Variants in NPM2 observed in about 807,000 individuals in gnomAD.
The protein encoded by NPM2 is nucleoplasmin-2.
A neutral mutation model predicts 32.0 loss-of-function variants in NPM2; 25 were observed. The ratio of observed to expected loss-of-function variants is 0.78; its 90% CI spans 0.57 to 1.09. The LOEUF (loss-of-function observed/expected upper bound fraction) is 1.09. Among genes scored for constraint, NPM2 ranks in the 50% least tolerant of loss-of-function variants. NPM2 has a pLI of 0.00. For missense variants in NPM2, 282 were observed against 259.9 expected (o/e 1.08, Z -0.58); for synonymous variants, 111 against 94.2 (o/e 1.18, Z -1.04).
Position 22,025,775 on chromosome 8 carries a change from G to A in NPM2, c.270+3G>A, listed in dbSNP as rs762872840. 3 of 1,613,976 alleles carry A rather than the reference G, an allele frequency of 1.9e-6. No individual in the cohort carries two copies. In the East Asian group the frequency reaches 6.7e-5, roughly 36 times the overall value. On this transcript the variant is annotated splice_donor_region_variant and intron_variant, in intron 5 of 9. Transcript: ENST00000518119. ...TCCAGGCCTCAGTCCTCCCCATGGT[G>A]CGCATTTCCCTGCTGGCTGGAAGAC...
chr8:22,025,324 C>T lies in NPM2; in HGVS notation c.58+18C>T, dbSNP rs758003822. The T allele has an allele frequency of 6.2e-7, 1 of 1,603,664 alleles. No individual in the cohort carries two copies. The highest frequency in any genetic ancestry group is 2.2e-5 in the East Asian group (1 of 44,540). ...GCTCTGGGGTGAGTGGGGACTCAGG[C>T]TCCTTCCCAGAGACACGCCCCACCT... On this transcript the variant is annotated intron_variant, in intron 3 of 9. Coordinates refer to ENST00000518119, the MANE Select transcript of NPM2 (RefSeq NM_001286680.2).
rs377061270 is a variant in NPM2 at position 22,024,575 on chromosome 8, G to A, written c.-189G>A. 2.5e-3 allele frequency: 377 copies of A among 152,584 alleles called. 1 individual carries two copies. The highest frequency in any genetic ancestry group is 0.017 in the South Asian group (82 of 4,828). The allele number at this position is 152,584 out of a possible 1,614,324, so 9.5% of individuals were successfully genotyped here. A position where few individuals can be genotyped will look rare whatever the true frequency, so the allele number is the denominator to read the frequency against. On this transcript the variant is annotated 5_prime_UTR_variant, in exon 1 of 10. Transcript: ENST00000518119. ...CGGCCCCACCCAGACCGACGCCAAG[G>A]GCAGCTGTGGAGTGGGGCGCGGCAA...
chr8:22,032,535 T>C (rs561354499), intron 5 of NPM2, among the ~76,000 whole-genome samples: 112 of 152,274 alleles, frequency 7.4e-4, no homozygotes, highest in African/African-American at 2.6e-3. Context: ...CAAGTTGCTA[T>C]AACAAAATAC....
chr8:22,032,428 G>A (rs1039312655), intron 5 of NPM2, among the ~76,000 whole-genome samples: 3 of 152,112 alleles, frequency 2.0e-5, no homozygotes, highest in South Asian at 4.1e-4. Flanking sequence ...ACCTGGTTAC[G>A]AGTTGGCACA....
In NPM2 at chr8:22,025,312, T is replaced by A; in HGVS notation, c.58+6T>A. 6.2e-7 allele frequency: 1 copy of A among 1,606,210 alleles called. No individual in the cohort carries two copies. The highest frequency in any genetic ancestry group is 1.7e-5 in the Admixed American group (1 of 58,116). ...AGTGACGACCGTGCTCTGGGGTGAG[T>A]GGGGACTCAGGCTCCTTCCCAGAGA... is the stretch of plus-strand genomic sequence containing the variant. On this transcript the variant is annotated splice_donor_region_variant and intron_variant, in intron 3 of 9. Coordinates refer to ENST00000518119, the MANE Select transcript of NPM2 (RefSeq NM_001286680.2).
chr8:22,034,161 G>A lies in NPM2; in HGVS notation c.417G>A (p.Glu139=). The A allele has an allele frequency of 1.2e-6, 2 of 1,610,116 alleles. No individual in the cohort carries two copies. The highest frequency in any genetic ancestry group is 8.5e-7 in the Non-Finnish European group (1 of 1,178,160). ...EEEEEEEGEE[E]EEEEEDDEDE... ...AGGAGGAAGAAGAAGGGGAGGAGGA[G>A]GAAGAGGAAGAGGAAGATGATGAGG... Residue 139 remains glutamate (E), a synonymous_variant, in exon 7 of 10, where the codon GAG becomes GAA. Transcript: ENST00000518119.
At chr8:22,025,402 G>A (rs775505320) in intron 3 of NPM2, 34 bp from the exon 4 acceptor site, 7 of 1,609,094 alleles carry the variant, frequency 4.4e-6, no homozygotes, top group Non-Finnish European at 5.9e-6. Flanking sequence ...GGAACGAATG[G>A]AGGGCCCCAC....
In NPM2 at chr8:22,033,202, C is replaced by T. The variant is rs767521920; in HGVS notation, c.343C>T (p.Leu115Phe). Residue 115 changes from leucine (L) to phenylalanine (F), a missense_variant, in exon 6 of 10, where the codon CTC becomes TTC. Leu to Phe is a conservative substitution (Grantham distance 22, BLOSUM62 0). Transcript: ENST00000518119. ...QLRAGSGPVF[L>F]SGQERYEASD... ...CCGGGCTGGCTCAGGACCCGTGTTCCTCAGTGGCCAGGAACGTTATGGTAA... is the reference window on the plus strand; with the variant it reads ...CCGGGCTGGCTCAGGACCCGTGTTCTTCAGTGGCCAGGAACGTTATGGTAA... The T allele has an allele frequency of 4.6e-5, 75 of 1,613,952 alleles. No homozygotes were observed. The highest frequency in any genetic ancestry group is 6.4e-5 in the Non-Finnish European group (75 of 1,179,978).
rs1800642272 is a variant in NPM2, at chr8:22,036,839, C to G, written c.*157C>G. The G allele has an allele frequency of 2.9e-6, 2 of 700,814 alleles. No homozygotes were observed. Among genetic ancestry groups the G allele is most frequent in the Non-Finnish European group, 4.5e-6 (2 of 440,674 alleles). The allele number at this position is 700,814 out of a possible 1,614,324, so 43.4% of individuals were successfully genotyped here. Reference sequence around the variant, plus strand: ...CCCCTCACCCCCAACTCTCCACTTTCAGGAGGCCCCCAGTGAAGAGCCCCA... The same window carrying G: ...CCCCTCACCCCCAACTCTCCACTTTGAGGAGGCCCCCAGTGAAGAGCCCCA... On this transcript the variant is annotated 3_prime_UTR_variant, in exon 10 of 10. Transcript: ENST00000518119.
At chr8:22,026,534 A>C (rs969119191) in intron 5 of NPM2, among the ~76,000 whole-genome samples, 2 of 142,160 alleles carry the variant, frequency 1.4e-5, no homozygotes, top group Non-Finnish European at 3.0e-5. Flanking sequence ...AGCTCACTGC[A>C]ATTTCTGCCT....
chr8:22,025,484 T>C lies in NPM2; in HGVS notation c.107T>C (p.Leu36Pro), dbSNP rs769181293. The change falls in exon 4 of 10, where the codon CTG becomes CCG. Residue 36 changes from leucine (L) to proline (P), a missense_variant. Coordinates refer to ENST00000518119, the MANE Select transcript of NPM2 (RefSeq NM_001286680.2). ...ERRTWTFRPQ[L>P]EGKQSCRLLL... is the part of the protein sequence containing the mutation. ...CGGACTTGGACCTTCAGACCCCAGC[T>C]GGAGGGGAAGCAGAGCTGCAGGCTG... The C allele has an allele frequency of 6.2e-7, 1 of 1,614,098 alleles. No individual in the cohort carries two copies. The highest frequency in any genetic ancestry group is 8.5e-7 in the Non-Finnish European group (1 of 1,180,014).
intron 5 of NPM2, among the ~76,000 whole-genome samples, chr8:22,031,579 G>A (rs894524825): frequency 5.9e-5 from 9 of 152,320 alleles, no homozygotes; most frequent in African/African-American, 2.2e-4. Context: ...CTGAGTAGCT[G>A]GGATTACAGG....
intron 5 of NPM2, 124 bp downstream of exon 5, chr8:22,025,896 C>A: frequency 1.4e-6 from 2 of 1,399,580 alleles, no homozygotes; most frequent in South Asian, 2.5e-5. Context: ...GGTAGCACAG[C>A]CCATGCAGAA....
intron 5 of NPM2, among the ~76,000 whole-genome samples, chr8:22,028,832 A>G (rs1800343156): frequency 6.6e-6 from 1 of 152,184 alleles, no homozygotes; most frequent in East Asian, 1.9e-4. Flanking sequence ...CACAGTATGT[A>G]GCTAGATTTT....
chr8:22,031,208 T>G (rs1258810695), intron 5 of NPM2, among the ~76,000 whole-genome samples: 1 of 152,218 alleles, frequency 6.6e-6, no homozygotes, highest in East Asian at 1.9e-4. Context: ...TTTATTTCCA[T>G]TCATGCTTTG....
intron 3 of NPM2, 42 bp from the exon 4 acceptor site, chr8:22,025,394 A>G: frequency 3.7e-6 from 6 of 1,606,608 alleles, no homozygotes; most frequent in Non-Finnish European, 5.1e-6. Flanking sequence ...CTCCTTTGGG[A>G]ACGAATGGAG....
intron 5 of NPM2, among the ~76,000 whole-genome samples, chr8:22,032,378 T>C (rs1382868136): frequency 2.0e-5 from 3 of 152,258 alleles, no homozygotes; most frequent in Middle Eastern, 6.8e-3. Flanking sequence ...AGTGTGATGA[T>C]TGGGGTTTCA....
rs200272280 is a variant in NPM2, at chr8:22,025,412, C to G, written c.59-24C>G. On this transcript the variant is annotated intron_variant, in intron 3 of 9. Coordinates refer to ENST00000518119, the MANE Select transcript of NPM2 (RefSeq NM_001286680.2). Reference sequence around the variant, plus strand: ...CTTTGGGAACGAATGGAGGGCCCCACTTCCCTCCCTTTCTCCTCCGCAGGC... The same window carrying G: ...CTTTGGGAACGAATGGAGGGCCCCAGTTCCCTCCCTTTCTCCTCCGCAGGC... 1.1e-3 allele frequency: 1,692 copies of G among 1,611,164 alleles called. 23 individuals carry two copies. In the South Asian group the frequency reaches 0.018, roughly 17 times the overall value.
chr8:22,025,839 C>T, intron 5 of NPM2, 67 bp downstream of exon 5: 1 of 1,604,904 alleles, frequency 6.2e-7, no homozygotes, highest in Middle Eastern at 1.9e-4. Context: ...TGGGGATGGA[C>T]ACACACGAGG....
Sources: allele counts gnomAD v4.1 joint callset (sites outside exome capture counted in the v4.1 genomes callset), GRCh38; gene constraint gnomAD v4.1.1; transcripts MANE v1.5; gene names NCBI Gene and HGNC (gene_info 2026-07-23, HGNC 2026-07-21).